Variants in SLC25A13 observed in about 807,000 individuals in gnomAD.
SLC25A13 encodes electrogenic aspartate/glutamate antiporter SLC25A13, mitochondrial.
Under a neutral mutation model 85.5 loss-of-function variants are expected in SLC25A13, and 70 were observed. The observed-to-expected ratio is 0.82, with a 90% CI of 0.68 to 1.00. The LOEUF is 1.00. Ranked by LOEUF, SLC25A13 falls within the 50% of genes least tolerant of loss-of-function variation. The pLI, the probability that SLC25A13 is intolerant of heterozygous loss-of-function variation, is 0.00. For synonymous variants in SLC25A13, 259 were observed against 288.7 expected (o/e 0.90, Z 1.04); for missense variants, 765 against 819.8 (o/e 0.93, Z 0.82).
At chr7:96,180,078 G>T (rs1245950869) in intron 11 of SLC25A13, among the ~76,000 whole-genome samples, 1 of 152,114 alleles carries the variant, frequency 6.6e-6, no homozygotes, top group African/African-American at 2.4e-5. Context: ...GAACATTCCA[G>T]GATGGAAGAT....
intron 4 of SLC25A13, among the ~76,000 whole-genome samples, chr7:96,230,377 C>A (rs1796496506): frequency 6.6e-6 from 1 of 152,222 alleles, no homozygotes; most frequent in Non-Finnish European, 1.5e-5. Context: ...TCTTTCTGAT[C>A]TGGCTCGTGG....
At chr7:96,307,106 T>C (rs1045813428) in intron 1 of SLC25A13, among the ~76,000 whole-genome samples, 4 of 150,468 alleles carry the variant, frequency 2.7e-5, no homozygotes, top group African/African-American at 9.8e-5. Context: ...TTTATTCCTG[T>C]GGGGCTTAAA....
chr7:96,143,171 C>T (rs563410275), intron 14 of SLC25A13, among the ~76,000 whole-genome samples: 3 of 152,306 alleles, frequency 2.0e-5, no homozygotes, highest in East Asian at 3.9e-4. Flanking sequence ...TGCTTCCTAA[C>T]GAAGCGTCTT....
chr7:96,179,807 T>G (rs1794351607), intron 11 of SLC25A13, among the ~76,000 whole-genome samples: 1 of 152,220 alleles, frequency 6.6e-6, no homozygotes, highest in African/African-American at 2.4e-5. Context: ...CATGTGTTCT[T>G]AAGTAATGCA....
intron 2 of SLC25A13, among the ~76,000 whole-genome samples, chr7:96,280,181 G>T (rs1180050672): frequency 6.6e-6 from 1 of 152,144 alleles, no homozygotes. Context: ...TGTTAGGACA[G>T]AATTTTTTTT....
intron 13 of SLC25A13, 147 bp downstream of exon 13, chr7:96,169,898 T>G (rs1426179153): frequency 2.5e-6 from 2 of 802,632 alleles, no homozygotes; most frequent in East Asian, 4.9e-5. Context: ...TTCGCCTGTC[T>G]AGGAAAAGCC....
At chr7:96,276,396 C>T (rs1434987875) in intron 3 of SLC25A13, among the ~76,000 whole-genome samples, 1 of 152,056 alleles carries the variant, frequency 6.6e-6, no homozygotes, top group Non-Finnish European at 1.5e-5. Flanking sequence ...TAGAGGCAAG[C>T]GGATGGCTTG....
At chr7:96,240,836 A>G (rs753879562) in intron 3 of SLC25A13, among the ~76,000 whole-genome samples, 13 of 151,476 alleles carry the variant, frequency 8.6e-5, no homozygotes, top group Non-Finnish European at 1.6e-4. Context: ...CCAAGATCTG[A>G]TAATTTTAGT....
intron 1 of SLC25A13, among the ~76,000 whole-genome samples, chr7:96,312,196 T>C (rs12670428): frequency 0.64 from 96,670 of 151,942 alleles, 31,120 homozygotes; most frequent in Non-Finnish European, 0.67. Flanking sequence ...AGCTCTCCTA[T>C]TTACAAGCCA....
intron 9 of SLC25A13, among the ~76,000 whole-genome samples, chr7:96,186,328 C>G (rs971563750): frequency 6.6e-5 from 10 of 152,134 alleles, no homozygotes; most frequent in African/African-American, 2.4e-4. Context: ...ACTTGGGAGG[C>G]TGAGGCAGGA....
intron 11 of SLC25A13, among the ~76,000 whole-genome samples, chr7:96,177,217 G>A (rs1387788852): frequency 6.6e-6 from 1 of 152,148 alleles, no homozygotes; most frequent in African/African-American, 2.4e-5. Context: ...ATGACATTAT[G>A]CCTATCTTAG....
At chr7:96,169,327 A>C (rs1793904078) in intron 13 of SLC25A13, among the ~76,000 whole-genome samples, 2 of 152,204 alleles carry the variant, frequency 1.3e-5, no homozygotes, top group African/African-American at 4.8e-5. Context: ...GATAAAAAAA[A>C]CCAATATTGT....
chr7:96,139,267 GC>G (rs1184648296), intron 14 of SLC25A13, among the ~76,000 whole-genome samples: 2 of 152,122 alleles, frequency 1.3e-5, no homozygotes, highest in Non-Finnish European at 2.9e-5. Flanking sequence ...TGGGTACTAT[GC>G]TCACTACCTG....
chr7:96,232,332 G>C (rs1310677619), intron 4 of SLC25A13, among the ~76,000 whole-genome samples: 1 of 151,862 alleles, frequency 6.6e-6, no homozygotes, highest in Non-Finnish European at 1.5e-5. Flanking sequence ...AAACTAATGT[G>C]GGAACAGAAA....
chr7:96,257,608 G>A (rs1797689509), intron 3 of SLC25A13, among the ~76,000 whole-genome samples: 2 of 152,134 alleles, frequency 1.3e-5, no homozygotes, highest in African/African-American at 2.4e-5. Context: ...AGGACCAGAT[G>A]GATTCACAGC....
rs142350400 is a variant in SLC25A13, at chr7:96,176,839, C to T, written c.1178-5315G>A. ...TAAACTAATTTTAGGCTATTTCCAA[C>T]GGGCTGGCAGCAAAATGAACAATCT... On this transcript the variant is annotated intron_variant, in intron 11 of 17. Transcript: ENST00000265631. 6.0e-4 allele frequency among the ~76,000 whole-genome samples: 92 copies of T among 152,260 alleles called. 1 individual carries two copies. Among genetic ancestry groups the T allele is most frequent in the Middle Eastern group, 6.8e-3 (2 of 294 alleles).
chr7:96,244,010 G>C (rs1284242249), intron 3 of SLC25A13, among the ~76,000 whole-genome samples: 2 of 152,204 alleles, frequency 1.3e-5, no homozygotes, highest in Non-Finnish European at 2.9e-5. Flanking sequence ...GCCGCCGGGT[G>C]AAGCAGTGAG....
At chr7:96,295,860 TTAA>T (rs1338027432) in intron 2 of SLC25A13, among the ~76,000 whole-genome samples, 4 of 150,836 alleles carry the variant, frequency 2.7e-5, no homozygotes, top group African/African-American at 9.7e-5. Context: ...ATATATGTTA[TTAA>T]TAATATATCA....
At position 96,152,686 on chromosome 7, in the gene SLC25A13, T is replaced by G. The variant is rs571564291; in HGVS notation, c.1312-5990A>C. On this transcript the variant is annotated intron_variant, in intron 13 of 17. Coordinates refer to ENST00000265631, the MANE Select transcript of SLC25A13 (RefSeq NM_014251.3). ...CACATATATAACTGAAGGCAGGGGT[T>G]TAGATAAGGTGGGAGGATGAAGAAG... is the stretch of plus-strand genomic sequence containing the variant. Among the ~76,000 whole-genome samples the G allele has an allele frequency of 3.9e-5, 6 of 151,928 alleles. No homozygotes were observed. The South Asian group carries it at 1.0e-3, about 26-fold the overall frequency.
Sources: allele counts gnomAD v4.1 joint callset (sites outside exome capture counted in the v4.1 genomes callset), GRCh38; gene constraint gnomAD v4.1.1; transcripts MANE v1.5; gene names NCBI Gene and HGNC (gene_info 2026-07-23, HGNC 2026-07-21).